The following MAP3K9 variants were observed in gnomAD, a reference collection of about 807,000 sequenced individuals.
MAP3K9 encodes the protein mixed lineage kinase 1 (tyr and ser/thr specificity).
Under a neutral mutation model 95.8 loss-of-function variants are expected in MAP3K9, and 46 were observed. The observed-to-expected ratio is 0.48, with a 90% CI of 0.38 to 0.61. MAP3K9 has a LOEUF of 0.61. MAP3K9 is among the 20% of genes least tolerant of loss of function. MAP3K9 has a pLI of 0.00. For missense variants in MAP3K9, 1,296 were observed against 1,474.3 expected, an observed-to-expected ratio of 0.88 and a Z score of 1.98; for synonymous variants, 533 against 593.8, an observed-to-expected ratio of 0.90 and a Z score of 1.49.
chr14:70,723,558 T>G lies in MAP3K9; in HGVS notation c.*6822A>C, dbSNP rs1319983577. On this transcript the variant is annotated 3_prime_UTR_variant, in exon 12 of 12. Transcript: ENST00000554752. ...GCTAGGCCAACTTTATCTCAAGAGC[T>G]TCTAAGTAGTGGCTTAGAAATGTGC... is the stretch of plus-strand genomic sequence containing the variant. The G allele has an allele frequency of 1.3e-5, 2 of 152,092 alleles. No homozygotes were observed. The highest frequency in any genetic ancestry group is 2.9e-5 in the Non-Finnish European group (2 of 68,026). 9.4% of individuals were successfully genotyped at this position (152,092 alleles called of 1,614,324 possible). A position where few individuals can be genotyped will look rare whatever the true frequency, so the allele number is the denominator to read the frequency against.
In MAP3K9 at chr14:70,809,255, G is replaced by T; in HGVS notation, c.-84C>A. ...ATTGTTCATGCGCCTCCGCAGAGCT[G>T]GGAGGACCCCCCCCCAACGACGGCG... On this transcript the variant is annotated 5_prime_UTR_variant, in exon 1 of 12. Transcript: ENST00000554752. 1 of 1,257,322 alleles carries T rather than the reference G, an allele frequency of 8.0e-7. No homozygotes were observed. The highest frequency in any genetic ancestry group is 1.0e-6 in the Non-Finnish European group (1 of 1,004,698). The allele number at this position is 1,257,322 out of a possible 1,614,324, so 77.9% of individuals were successfully genotyped here.
At chr14:70,759,406 C>A (rs892231322) in intron 3 of MAP3K9, among the ~76,000 whole-genome samples, 1 of 152,126 alleles carries the variant, frequency 6.6e-6, no homozygotes, top group African/African-American at 2.4e-5. Context: ...CATGCCACTG[C>A]ACTCCAGCCT....
rs1427217123 is a variant in MAP3K9, at chr14:70,773,603, T to C, written c.821-12421A>G. On this transcript the variant is annotated intron_variant, in intron 2 of 11. Transcript: ENST00000554752. ...GCCAGGTAACTAAAAAGTGTCATTG[T>C]AGGTGCTTTCTGTAACCTGTCTTAA... Among the ~76,000 whole-genome samples the C allele has an allele frequency of 2.6e-5, 4 of 152,240 alleles. No individual in the cohort carries two copies. The East Asian group carries it at 5.8e-4, about 22-fold the overall frequency.
At chr14:70,796,934 T>G (rs1165852787) in intron 2 of MAP3K9, among the ~76,000 whole-genome samples, 2 of 152,106 alleles carry the variant, frequency 1.3e-5, no homozygotes, top group African/African-American at 4.8e-5. Flanking sequence ...TTATTTGGTT[T>G]GGCTTTTCGG....
At chr14:70,753,223 T>C (rs2054253777) in intron 3 of MAP3K9, among the ~76,000 whole-genome samples, 1 of 152,150 alleles carries the variant, frequency 6.6e-6, no homozygotes, top group African/African-American at 2.4e-5. Context: ...CATCCAGAAA[T>C]TACCATCTAT....
At position 70,732,811 on chromosome 14, in the gene MAP3K9, T is replaced by C. The variant is rs2053926764; in HGVS notation, c.2558A>G (p.Asp853Gly). The C allele has an allele frequency of 6.2e-7, 1 of 1,613,876 alleles. No individual in the cohort carries two copies. Among genetic ancestry groups the C allele is most frequent in the Non-Finnish European group, 8.5e-7 (1 of 1,179,936 alleles). ...CTCATACACGACAATTTCATCGCTG[T>C]CGGAGCGCAGCAGGGAGCGTGTGGA... is the stretch of plus-strand genomic sequence containing the variant. Reference protein sequence around the residue: ...CNSTRSLLRSDSDEIVVYEMP... With the variant: ...CNSTRSLLRSGSDEIVVYEMP... Residue 853 changes from aspartate (D) to glycine (G), a missense_variant, in exon 11 of 12, where the codon GAC (aspartate) becomes GGC (glycine). This residue lies in a region of MAP3K9 where 433 missense variants were observed against 441.4 expected (regional missense o/e 0.98). Coordinates refer to ENST00000554752, the MANE Select transcript of MAP3K9 (RefSeq NM_001284230.2).
intron 2 of MAP3K9, among the ~76,000 whole-genome samples, chr14:70,784,479 A>G (rs1360442923): frequency 1.3e-5 from 2 of 152,198 alleles, no homozygotes; most frequent in African/African-American, 4.8e-5. Context: ...ACAGTGGCTC[A>G]TGCCTGTAAT....
chr14:70,807,060 T>G (rs1411237119), intron 1 of MAP3K9, among the ~76,000 whole-genome samples: 1 of 152,140 alleles, frequency 6.6e-6, no homozygotes, highest in African/African-American at 2.4e-5. Flanking sequence ...AAATGAAGTT[T>G]TAAACTGAAT....
chr14:70,769,173 G>A (rs563461720), intron 2 of MAP3K9, among the ~76,000 whole-genome samples: 248 of 152,254 alleles, frequency 1.6e-3, no homozygotes, highest in Admixed American at 2.7e-3. Context: ...GTTTGTGCCT[G>A]TGAACAGCCA....
At chr14:70,753,346 GAGA>G (rs759559387) in intron 3 of MAP3K9, among the ~76,000 whole-genome samples, 7 of 152,240 alleles carry the variant, frequency 4.6e-5, no homozygotes, top group Non-Finnish European at 1.0e-4. Context: ...CTGGCATTCA[GAGA>G]AGAAGTCTTT....
At chr14:70,780,694 C>T (rs1399538992) in intron 2 of MAP3K9, among the ~76,000 whole-genome samples, 1 of 152,176 alleles carries the variant, frequency 6.6e-6, no homozygotes, top group Non-Finnish European at 1.5e-5. Context: ...AAGCCAGAGG[C>T]TTTTGTGCAG....
chr14:70,739,270 C>A (rs2054031156), intron 7 of MAP3K9, among the ~76,000 whole-genome samples: 1 of 152,216 alleles, frequency 6.6e-6, no homozygotes, highest in South Asian at 2.1e-4. Context: ...GCTCGGACTA[C>A]AGATGGGTGC....
intron 2 of MAP3K9, among the ~76,000 whole-genome samples, chr14:70,762,950 T>C (rs529458996): frequency 1.8e-4 from 28 of 152,332 alleles, no homozygotes; most frequent in Non-Finnish European, 3.5e-4. Context: ...CATGTGGCTA[T>C]GCAGTTGTCG....
chr14:70,732,050 G>A (rs1033144538), intron 11 of MAP3K9, among the ~76,000 whole-genome samples: 2 of 152,326 alleles, frequency 1.3e-5, no homozygotes, highest in South Asian at 2.1e-4. Context: ...GTTGAAGAGT[G>A]TGATGAATGG....
chr14:70,747,659 C>T (rs900225715), intron 5 of MAP3K9, among the ~76,000 whole-genome samples: 2 of 152,184 alleles, frequency 1.3e-5, no homozygotes, highest in Non-Finnish European at 2.9e-5. Flanking sequence ...ACAATAATAA[C>T]ACCTGGCCTA....
chr14:70,760,492 T>A (rs985562903), intron 3 of MAP3K9, among the ~76,000 whole-genome samples: 7 of 152,244 alleles, frequency 4.6e-5, no homozygotes, highest in Admixed American at 3.9e-4. Flanking sequence ...GACTAAAAGA[T>A]GAACTAGATA....
At chr14:70,754,836 G>A (rs1297365791) in intron 3 of MAP3K9, among the ~76,000 whole-genome samples, 1 of 152,064 alleles carries the variant, frequency 6.6e-6, no homozygotes, top group Non-Finnish European at 1.5e-5. Context: ...ACAACCAACA[G>A]GCAAGAAGGC....
rs1321965999 is a variant in MAP3K9, at chr14:70,722,724, G to T, written c.*7656C>A. 1 of 150,764 alleles carries T rather than the reference G, an allele frequency of 6.6e-6. No homozygotes were observed. Among genetic ancestry groups the T allele is most frequent in the Middle Eastern group, 3.2e-3 (1 of 310 alleles). 9.3% of individuals were successfully genotyped at this position (150,764 alleles called of 1,614,324 possible). On this transcript the variant is annotated 3_prime_UTR_variant, in exon 12 of 12. Coordinates refer to ENST00000554752, the MANE Select transcript of MAP3K9 (RefSeq NM_001284230.2). ...AAAGAACCTGGTAAGTTTCCTTCAG[G>T]ACTTTTTCATCTTTAAATATTGTTG... is the stretch of plus-strand genomic sequence containing the variant.
chr14:70,750,688 C>T (rs753524506), intron 3 of MAP3K9, among the ~76,000 whole-genome samples: 1 of 152,034 alleles, frequency 6.6e-6, no homozygotes, highest in African/African-American at 2.4e-5. Flanking sequence ...TTTCACCACA[C>T]TGGCCAGGCT....
Sources: gnomAD v4.1 joint callset for allele counts (sites outside exome capture counted in the v4.1 genomes callset) on GRCh38, gnomAD v4.1.1 for gene constraint, gnomAD v4.1.1 regional missense constraint, MANE v1.5 for transcripts, NCBI Gene and HGNC (gene_info 2026-07-23, HGNC 2026-07-21) for gene names.